The following LRMDA variants were observed in gnomAD, a reference collection of about 807,000 sequenced individuals.
LRMDA encodes the protein leucine rich melanocyte differentiation associated.
A neutral mutation model predicts 29.8 loss-of-function variants in LRMDA; 18 were observed. The observed-to-expected ratio is 0.60, with a 90% confidence interval of 0.42 to 0.90. The LOEUF (loss-of-function observed/expected upper bound fraction) is 0.90, where lower values mean the gene tolerates loss of function less well. Among genes scored for constraint, LRMDA ranks in the 40% least tolerant of loss-of-function variants. The pLI is 0.00. For missense variants in LRMDA, 273 were observed against 273.9 expected, an observed-to-expected ratio of 1.00 and a Z score of 0.02; for synonymous variants, 125 against 109.4, an observed-to-expected ratio of 1.14 and a Z score of -0.89.
At chr10:76,091,855 T>A (rs539614927) in intron 5 of LRMDA, among the ~76,000 whole-genome samples, 214 of 127,764 alleles carry the variant, frequency 1.7e-3, no homozygotes, top group Non-Finnish European at 2.8e-3. Context: ...CTGGGTGATT[T>A]AAAAAAAAAA....
intron 5 of LRMDA, among the ~76,000 whole-genome samples, chr10:76,110,477 C>T (rs1849558929): frequency 6.6e-6 from 1 of 152,212 alleles, no homozygotes; most frequent in African/African-American, 2.4e-5. Flanking sequence ...TCAAACCTTG[C>T]ACTGGCTTAG....
At chr10:75,614,779 T>G (rs1841078222) in intron 2 of LRMDA, among the ~76,000 whole-genome samples, 1 of 151,978 alleles carries the variant, frequency 6.6e-6, no homozygotes, top group Non-Finnish European at 1.5e-5. Flanking sequence ...ATCAGTGGTG[T>G]TTGTTTTTTT....
rs559507373 is a variant in LRMDA at position 76,422,957 on chromosome 10, A to G, written c.601+98472A>G. 1.7e-4 allele frequency among the ~76,000 whole-genome samples: 26 copies of G among 152,350 alleles called. No homozygotes were observed. The South Asian group carries it at 4.1e-3, about 24-fold the overall frequency. On this transcript the variant is annotated intron_variant, in intron 6 of 6. Coordinates refer to ENST00000611255, the MANE Select transcript of LRMDA (RefSeq NM_001305581.2). Reference sequence around the variant, plus strand: ...CTGAAGAAGCTAACTGTACAACTCAATCCTGCCCACAAGTGGGCAAACCAA... The same window carrying G: ...CTGAAGAAGCTAACTGTACAACTCAGTCCTGCCCACAAGTGGGCAAACCAA...
intron 5 of LRMDA, among the ~76,000 whole-genome samples, chr10:76,096,797 T>C (rs1849318263): frequency 6.6e-6 from 1 of 152,146 alleles, no homozygotes; most frequent in Non-Finnish European, 1.5e-5. Flanking sequence ...ATTTTCAGCA[T>C]ATAAATCTTG....
chr10:76,006,961 A>T (rs1847673500), intron 2 of LRMDA, among the ~76,000 whole-genome samples: 1 of 146,092 alleles, frequency 6.8e-6, no homozygotes, highest in African/African-American at 2.6e-5. Context: ...TGGTCCTGCT[A>T]AAGTTTGCAG....
chr10:75,559,412 A>G (rs1181886127), intron 2 of LRMDA, among the ~76,000 whole-genome samples: 1 of 151,474 alleles, frequency 6.6e-6, no homozygotes, highest in Non-Finnish European at 1.5e-5. Context: ...GTTTGAGTTC[A>G]TTGTAGATTC....
Position 75,639,407 on chromosome 10 carries a change from T to C in LRMDA, c.131+200913T>C, listed in dbSNP as rs542710826. Among the ~76,000 whole-genome samples, 36 of 152,098 alleles carry C rather than the reference T, an allele frequency of 2.4e-4. No homozygotes were observed. In the South Asian group the frequency reaches 7.3e-3, roughly 31 times the overall value. On this transcript the variant is annotated intron_variant, in intron 2 of 6. Transcript: ENST00000611255. ...GATGAGGGAAGGGGAGCCGAAACAG[T>C]TTGGCTGTGAATGGGCACATATCTT...
intron 2 of LRMDA, among the ~76,000 whole-genome samples, chr10:75,751,344 G>T (rs1484554057): frequency 6.6e-6 from 1 of 151,808 alleles, no homozygotes; most frequent in Non-Finnish European, 1.5e-5. Flanking sequence ...GGGAGAGGGA[G>T]AGGGAGACTG....
chr10:76,410,127 G>T (rs1371839562), intron 6 of LRMDA, among the ~76,000 whole-genome samples: 1 of 152,006 alleles, frequency 6.6e-6, no homozygotes, highest in East Asian at 1.9e-4. Flanking sequence ...GCACGGAATT[G>T]TAGTTTGGCC....
chr10:76,534,731 C>A (rs1843272954), intron 6 of LRMDA, among the ~76,000 whole-genome samples: 1 of 152,102 alleles, frequency 6.6e-6, no homozygotes, highest in Admixed American at 6.5e-5. Context: ...CATTCAGAAG[C>A]TGAAGTTTCT....
At chr10:76,069,084 G>A (rs1170191303) in intron 5 of LRMDA, among the ~76,000 whole-genome samples, 5 of 152,338 alleles carry the variant, frequency 3.3e-5, no homozygotes, top group Admixed American at 1.3e-4. Flanking sequence ...TGTTGGATCC[G>A]GCTTGAGAGT....
chr10:76,532,641 G>T (rs1339893186), intron 6 of LRMDA, among the ~76,000 whole-genome samples: 1 of 152,154 alleles, frequency 6.6e-6, no homozygotes. Flanking sequence ...CTGCCAAGGG[G>T]AAATCAGAGA....
rs1380575876 is a variant in LRMDA at position 76,558,874 on chromosome 10, C to CAA, written c.*1587_*1588dup. On this transcript the variant is annotated 3_prime_UTR_variant, in exon 7 of 7. Transcript: ENST00000611255. ...AACCTTTGTTAATCAGTTCTTTAGACAAGTTAACATTAAAATCCTCAAAAC... is the reference window on the plus strand; with the variant it reads ...AACCTTTGTTAATCAGTTCTTTAGACAAAAGTTAACATTAAAATCCTCAAAAC... The CAA allele has an allele frequency of 1.3e-5, 2 of 152,164 alleles. No individual in the cohort carries two copies. The highest frequency in any genetic ancestry group is 3.9e-4 in the East Asian group (2 of 5,194). The allele number at this position is 152,164 out of a possible 1,614,324, so 9.4% of individuals were successfully genotyped here. A position where few individuals can be genotyped will look rare whatever the true frequency, so the allele number is the denominator to read the frequency against.
chr10:76,460,917 C>T (rs1414115901), intron 6 of LRMDA, among the ~76,000 whole-genome samples: 1 of 152,148 alleles, frequency 6.6e-6, no homozygotes, highest in Admixed American at 6.5e-5. Context: ...TAGATAAAAA[C>T]TGCATTCACA....
chr10:76,169,146 A>G (rs541783071), intron 5 of LRMDA, among the ~76,000 whole-genome samples: 62 of 152,266 alleles, frequency 4.1e-4, no homozygotes, highest in Admixed American at 2.3e-3. Context: ...TTGGCAGGAA[A>G]ATTTGGTGCA....
chr10:76,082,563 A>G (rs1428179785), intron 5 of LRMDA, among the ~76,000 whole-genome samples: 2 of 152,102 alleles, frequency 1.3e-5, no homozygotes, highest in Non-Finnish European at 2.9e-5. Context: ...AGAAACCTGT[A>G]TTGAGTTGTT....
At chr10:76,104,429 G>A (rs1402031781) in intron 5 of LRMDA, among the ~76,000 whole-genome samples, 3 of 152,064 alleles carry the variant, frequency 2.0e-5, no homozygotes, top group African/African-American at 7.2e-5. Context: ...CCCTCCCATT[G>A]CCACCTGCAA....
chr10:75,564,880 A>C lies in LRMDA; in HGVS notation c.131+126386A>C, dbSNP rs1232134838. 2.6e-5 allele frequency among the ~76,000 whole-genome samples: 4 copies of C among 152,364 alleles called. No homozygotes were observed. The East Asian group carries it at 5.8e-4, about 22-fold the overall frequency. ...TTTGCTGATCTGTAAGGGATTCACCAGATTGTAACATTCTGCAATTCCATG... is the reference window on the plus strand; with the variant it reads ...TTTGCTGATCTGTAAGGGATTCACCCGATTGTAACATTCTGCAATTCCATG... On this transcript the variant is annotated intron_variant, in intron 2 of 6. Transcript: ENST00000611255.
chr10:75,504,930 G>A (rs1445556610), intron 2 of LRMDA, among the ~76,000 whole-genome samples: 1 of 152,154 alleles, frequency 6.6e-6, no homozygotes, highest in Non-Finnish European at 1.5e-5. Flanking sequence ...ATTGGGGGAG[G>A]TCAGAGTAGG....
Sources: allele counts gnomAD v4.1 joint callset (sites outside exome capture counted in the v4.1 genomes callset), GRCh38; gene constraint gnomAD v4.1.1; transcripts MANE v1.5; gene names NCBI Gene and HGNC (gene_info 2026-07-23, HGNC 2026-07-21).